The following OSGIN2 variants were observed in gnomAD, a reference collection of about 807,000 sequenced individuals.
The protein encoded by OSGIN2 is oxidative stress induced growth inhibitor family member 2.
Under a neutral mutation model 53.8 loss-of-function variants are expected in OSGIN2, and 19 were observed. The ratio of observed to expected loss-of-function variants is 0.35; its 90% CI spans 0.25 to 0.52. The LOEUF is 0.52. Ranked by LOEUF, OSGIN2 falls within the 20% of genes least tolerant of loss-of-function variation. The probability of loss-of-function intolerance (pLI) is 0.95; values close to 1 mark genes in which losing one functional copy is unlikely to be tolerated. For synonymous variants in OSGIN2, 236 were observed against 236.0 expected (o/e 1.00, Z 0.00); for missense variants, 520 against 662.7 (o/e 0.78, Z 2.36).
At chr8:89,918,778 A>G (rs1809135711) in intron 4 of OSGIN2, among the ~76,000 whole-genome samples, 1 of 152,236 alleles carries the variant, frequency 6.6e-6, no homozygotes, top group African/African-American at 2.4e-5. Flanking sequence ...TACTCAAGCC[A>G]GGAACCTGAG....
At position 89,925,400 on chromosome 8, in the gene OSGIN2, G is replaced by T; in HGVS notation, c.1518G>T (p.Leu506Phe). The T allele has an allele frequency of 6.2e-7, 1 of 1,614,010 alleles. No homozygotes were observed. Among genetic ancestry groups the T allele is most frequent in the Non-Finnish European group, 8.5e-7 (1 of 1,179,950 alleles). The change falls in exon 6 of 6, where the codon TTG (leucine) becomes TTT (phenylalanine). Residue 506 changes from leucine (L) to phenylalanine (F), a missense_variant. By Grantham distance (22) the Leu-to-Phe change is conservative. Around this residue, in one of 3 missense-constraint regions of OSGIN2, gnomAD observed 239 missense variants for 328.3 expected, o/e 0.73. Transcript: ENST00000451899. ...TTAAAGAAGCCAACCTTTTTGCATT[G>T]GGTCCTTTGGTTGGAGACAATTTTG... is the stretch of plus-strand genomic sequence containing the variant. ...ECIKEANLFA[L>F]GPLVGDNFVR...
Position 89,925,493 on chromosome 8 carries a change from T to C in OSGIN2, c.1611T>C (p.His537=). ...RCLATRQKKK[H]LFVERGGGDG... The stretch of plus-strand genomic sequence containing the variant: ...TAGCTACAAGACAGAAGAAAAAGCA[T>C]TTGTTTGTTGAAAGAGGAGGAGGAG... The change falls in exon 6 of 6, where the codon CAT becomes CAC. Residue 537 remains histidine, a synonymous_variant. Coordinates refer to ENST00000451899, the MANE Select transcript of OSGIN2 (RefSeq NM_001126111.3). 1 of 1,612,370 alleles carries C rather than the reference T, an allele frequency of 6.2e-7. No individual in the cohort carries two copies. Among genetic ancestry groups the C allele is most frequent in the Admixed American group, 1.7e-5 (1 of 59,966 alleles).
chr8:89,916,678 C>A lies in OSGIN2; in HGVS notation c.528+1932C>A, dbSNP rs914249356. Among the ~76,000 whole-genome samples the A allele has an allele frequency of 3.3e-5, 5 of 152,290 alleles. No individual in the cohort carries two copies. In the South Asian group the frequency reaches 1.0e-3, roughly 32 times the overall value. ...TCTTGTGATCTAGTTTCTCATCACT[C>A]TTCTCTCTTCCAAACTTTCTGTGGC... is the stretch of plus-strand genomic sequence containing the variant. On this transcript the variant is annotated intron_variant, in intron 4 of 5. Transcript: ENST00000451899.
At chr8:89,920,994 G>T in intron 4 of OSGIN2, 86 bp from the exon 5 acceptor site, 5 of 767,984 alleles carry the variant, frequency 6.5e-6, no homozygotes, top group Non-Finnish European at 1.1e-5. Flanking sequence ...TTGTAAATGA[G>T]ATGGATATGG....
chr8:89,917,130 T>C (rs1809096118), intron 4 of OSGIN2, among the ~76,000 whole-genome samples: 1 of 152,230 alleles, frequency 6.6e-6, no homozygotes. Context: ...TCTACAAACA[T>C]GACACAGAAC....
At chr8:89,911,842 G>A (rs1440037394) in intron 2 of OSGIN2, among the ~76,000 whole-genome samples, 1 of 151,836 alleles carries the variant, frequency 6.6e-6, no homozygotes, top group Non-Finnish European at 1.5e-5. Context: ...GGAGGCTGAG[G>A]CAGGAGAATG....
At chr8:89,920,390 G>C (rs975251300) in intron 4 of OSGIN2, among the ~76,000 whole-genome samples, 1 of 152,206 alleles carries the variant, frequency 6.6e-6, no homozygotes, top group African/African-American at 2.4e-5. Context: ...TAAAAGAGTT[G>C]ATTGAAAGAG....
rs267602037 is a variant in OSGIN2 at position 89,914,104 on chromosome 8, C to G, written c.227C>G (p.Ser76Cys). 1.2e-6 allele frequency: 2 copies of G among 1,611,062 alleles called. No homozygotes were observed. Among genetic ancestry groups the G allele is most frequent in the Non-Finnish European group, 1.7e-6 (2 of 1,177,920 alleles). ...AATGGACCCTCAGGAATATGCCTTT[C>G]TTATATGTTATCAGGCTACAGACCG... Reference protein sequence around the residue: ...IGNGPSGICLSYMLSGYRPYL... With the variant: ...IGNGPSGICLCYMLSGYRPYL... The change falls in exon 3 of 6, where the codon TCT becomes TGT. Residue 76 changes from serine (S) to cysteine (C), a missense_variant. This residue lies in a region of OSGIN2 where 203 missense variants were observed against 275.3 expected (regional missense o/e 0.74). Transcript: ENST00000451899.
chr8:89,911,564 A>T (rs1308323205), intron 2 of OSGIN2, among the ~76,000 whole-genome samples: 3 of 146,926 alleles, frequency 2.0e-5, no homozygotes, highest in East Asian at 4.1e-4. Context: ...CAGGAGGTGG[A>T]GGTTGCAGTG....
At chr8:89,923,521 T>C (rs569140419) in intron 5 of OSGIN2, among the ~76,000 whole-genome samples, 15 of 152,372 alleles carry the variant, frequency 9.8e-5, no homozygotes, top group South Asian at 4.1e-4. Context: ...TGGGTACCAA[T>C]GCAACTGTTC....
At position 89,927,686 on chromosome 8, in the gene OSGIN2, A is replaced by G. The variant is rs1009293566; in HGVS notation, c.*2154A>G. On this transcript the variant is annotated 3_prime_UTR_variant, in exon 6 of 6. Transcript: ENST00000451899. ...TACAAAGCAGAATTTGGGGATTTAAAGTGCAATGATACAACAAAAAGATTT... is the reference window on the plus strand; with the variant it reads ...TACAAAGCAGAATTTGGGGATTTAAGGTGCAATGATACAACAAAAAGATTT... 6.6e-6 allele frequency: 1 copy of G among 152,256 alleles called. No homozygotes were observed. The highest frequency in any genetic ancestry group is 6.5e-5 in the Admixed American group (1 of 15,282). The allele number at this position is 152,256 out of a possible 1,614,324, so 9.4% of individuals were successfully genotyped here.
At chr8:89,907,112 G>T (rs1412032639) in intron 1 of OSGIN2, among the ~76,000 whole-genome samples, 1 of 151,952 alleles carries the variant, frequency 6.6e-6, no homozygotes, top group East Asian at 1.9e-4. Context: ...TTTCTGTGGG[G>T]TTGTTTTTTC....
At position 89,927,558 on chromosome 8, in the gene OSGIN2, C is replaced by T. The variant is rs904891400; in HGVS notation, c.*2026C>T. 1 of 152,208 alleles carries T rather than the reference C, an allele frequency of 6.6e-6. No homozygotes were observed. The highest frequency in any genetic ancestry group is 1.5e-5 in the Non-Finnish European group (1 of 68,040). The allele number at this position is 152,208 out of a possible 1,614,324, so 9.4% of individuals were successfully genotyped here. A position where few individuals can be genotyped will look rare whatever the true frequency, so the allele number is the denominator to read the frequency against. ...CATGGAAGGGAAGAATCACTAAATA[C>T]TTGTCTAGTTATAGCATGATGTGAG... On this transcript the variant is annotated 3_prime_UTR_variant, in exon 6 of 6. Transcript: ENST00000451899.
At chr8:89,919,289 T>G (rs1045081762) in intron 4 of OSGIN2, among the ~76,000 whole-genome samples, 2 of 152,150 alleles carry the variant, frequency 1.3e-5, no homozygotes, top group Admixed American at 6.5e-5. Flanking sequence ...GGATACAGAT[T>G]AGAATCAGCA....
At chr8:89,902,865 G>A in intron 1 of OSGIN2, 28 bp downstream of exon 1, 1 of 1,353,424 alleles carries the variant, frequency 7.4e-7, no homozygotes, top group Non-Finnish European at 9.7e-7. Flanking sequence ...GATGGGAGGG[G>A]AGCAGGCGGG....
chr8:89,914,729 C>T lies in OSGIN2; in HGVS notation c.511C>T (p.Pro171Ser). 3.1e-6 allele frequency: 5 copies of T among 1,613,310 alleles called. No individual in the cohort carries two copies. Among genetic ancestry groups the T allele is most frequent in the South Asian group, 1.1e-5 (1 of 91,022 alleles). Residue 171 changes from proline to serine, a missense_variant, in exon 4 of 6, where the codon CCT becomes TCT. Transcript: ENST00000451899. ...TCACGTAGTTCTTGGTAAAGGTCCA[C>T]CTGGTGGGGCTTGGCATGTGAGTAT... ...IPHVVLGKGP[P>S]GGAWHNMEGS...
At position 89,927,121 on chromosome 8, in the gene OSGIN2, T is replaced by C. The variant is rs904269646; in HGVS notation, c.*1589T>C. On this transcript the variant is annotated 3_prime_UTR_variant, in exon 6 of 6. Transcript: ENST00000451899. ...GCACTTGCTTCAGTACTCTCTTGCC[T>C]GCCTGTTTTTGACCTCTGCATGAGT... 1 of 152,166 alleles carries C rather than the reference T, an allele frequency of 6.6e-6. No individual in the cohort carries two copies. Among genetic ancestry groups the C allele is most frequent in the Non-Finnish European group, 1.5e-5 (1 of 68,004 alleles). 9.4% of individuals were successfully genotyped at this position (152,166 alleles called of 1,614,324 possible).
At chr8:89,920,074 A>T (rs1290647347) in intron 4 of OSGIN2, among the ~76,000 whole-genome samples, 1 of 152,152 alleles carries the variant, frequency 6.6e-6, no homozygotes, top group African/African-American at 2.4e-5. Context: ...AAGGTTTTAG[A>T]GTTACAGGTG....
intron 1 of OSGIN2, among the ~76,000 whole-genome samples, chr8:89,903,998 G>T (rs1255724240): frequency 6.6e-6 from 1 of 152,190 alleles, no homozygotes; most frequent in African/African-American, 2.4e-5. Flanking sequence ...GAGATGTAAG[G>T]CATAGAGAAA....
Sources: allele counts gnomAD v4.1 joint callset (sites outside exome capture counted in the v4.1 genomes callset), GRCh38; gene constraint gnomAD v4.1.1; regional missense constraint gnomAD v4.1.1; transcripts MANE v1.5; gene names NCBI Gene and HGNC (gene_info 2026-07-23, HGNC 2026-07-21).